The following RBSN variants were observed in gnomAD, a reference collection of about 807,000 sequenced individuals.
The protein encoded by RBSN is rabenosyn, RAB effector.
In RBSN, 34 loss-of-function variants were observed where a neutral mutation model predicts 60.5. The observed-to-expected ratio is 0.56, with a 90% CI of 0.43 to 0.75. RBSN has a LOEUF of 0.75. Ranked by LOEUF, RBSN falls within the 30% of genes least tolerant of loss-of-function variation. RBSN has a pLI of 0.00. For missense variants in RBSN, 845 were observed against 986.8 expected (o/e 0.86, Z 1.92); for synonymous variants, 322 against 366.9 (o/e 0.88, Z 1.40).
chr3:15,080,448 G>A (rs1433412519), intron 10 of RBSN, among the ~76,000 whole-genome samples: 1 of 152,122 alleles, frequency 6.6e-6, no homozygotes, highest in African/African-American at 2.4e-5. Context: ...AGTACCTATT[G>A]TCTGAGGCCC....
intron 10 of RBSN, among the ~76,000 whole-genome samples, chr3:15,079,861 T>G (rs1301462664): frequency 1.3e-5 from 2 of 151,512 alleles, no homozygotes; most frequent in African/African-American, 4.8e-5. Flanking sequence ...TAATGTTCGC[T>G]AATTTTGTGA....
At position 15,080,755 on chromosome 3, in the gene RBSN, G is replaced by A; in HGVS notation, c.888C>T (p.Tyr296=). Residue 296 remains tyrosine, a synonymous_variant, in exon 10 of 14, where the codon TAC becomes TAT. Coordinates refer to ENST00000253699, the MANE Select transcript of RBSN (RefSeq NM_022340.4). ...MEKVDQKAPE[Y]IRMAASLNAG... ...ACTTTAATGATGCTGCCATCCTGAT[G>A]TATTCTGGAGCTTTCTGGTCAACTT... 1 of 1,614,108 alleles carries A rather than the reference G, an allele frequency of 6.2e-7. No individual in the cohort carries two copies. Among genetic ancestry groups the A allele is most frequent in the South Asian group, 1.1e-5 (1 of 91,080 alleles).
chr3:15,074,253 A>C lies in RBSN; in HGVS notation c.1884T>G (p.Phe628Leu). ...TGGGGCTGGAGAGGTCTTCCTCATC[A>C]AAGGGGTTTAAGGAGGGCCCCTCAT... ...QQHEGPSLNP[F>L]DEEDLSSPME... Residue 628 changes from phenylalanine (F) to leucine (L), a missense_variant, in exon 14 of 14, where the codon TTT becomes TTG. Transcript: ENST00000253699. This position sits in a 1 kb window ranked among gnomAD's most constrained non-coding sequence, Gnocchi z 6.4. The C allele has an allele frequency of 6.2e-7, 1 of 1,611,166 alleles. No homozygotes were observed.
rs767023144 is a variant in RBSN at position 15,080,719 on chromosome 3, A to G, written c.911+13T>C. 3 of 1,606,740 alleles carry G rather than the reference A, an allele frequency of 1.9e-6. No homozygotes were observed. Among genetic ancestry groups the G allele is most frequent in the Non-Finnish European group, 2.6e-6 (3 of 1,174,946 alleles). On this transcript the variant is annotated intron_variant, in intron 10 of 13. Transcript: ENST00000253699. The stretch of plus-strand genomic sequence containing the variant: ...TCACCACTGGATTAGAAAAACATAG[A>G]TGAATAGCTTACTTTAATGATGCTG...
chr3:15,077,555 G>A lies in RBSN; in HGVS notation c.999-391C>T, dbSNP rs731195. On this transcript the variant is annotated intron_variant, in intron 11 of 13. Transcript: ENST00000253699. This position sits in a 1 kb window ranked among gnomAD's most constrained non-coding sequence, Gnocchi z 4.4. ...ATTTTGTACCAGGCCCTGCAACTAC[G>A]AACTCCTGCTGTATGTCTGGATGGA... Among the ~76,000 whole-genome samples, 1,000 of 152,210 alleles carry A rather than the reference G, an allele frequency of 6.6e-3. 52 individuals are homozygous for A. The highest frequency in any genetic ancestry group is 0.054 in the Admixed American group (829 of 15,290).
intron 10 of RBSN, among the ~76,000 whole-genome samples, chr3:15,079,714 C>G (rs890726396): frequency 6.6e-5 from 10 of 152,134 alleles, no homozygotes; most frequent in African/African-American, 2.4e-4. Flanking sequence ...ATTTATATGA[C>G]ATGTCAAAAG....
At chr3:15,089,756 G>A (rs542522802) in intron 5 of RBSN, among the ~76,000 whole-genome samples, 114 of 151,936 alleles carry the variant, frequency 7.5e-4, no homozygotes, top group African/African-American at 2.2e-3. Flanking sequence ...GACTACAGGC[G>A]CCCGCCACCA....
intron 4 of RBSN, among the ~76,000 whole-genome samples, chr3:15,094,530 T>G (rs1371511905): frequency 6.6e-6 from 1 of 152,232 alleles, no homozygotes; most frequent in Non-Finnish European, 1.5e-5. Flanking sequence ...CCAATCACCT[T>G]CTTGCAGAGT....
At chr3:15,096,907 C>T (rs1356784001) in intron 2 of RBSN, among the ~76,000 whole-genome samples, 197 bp from the exon 3 acceptor site, 1 of 152,190 alleles carries the variant, frequency 6.6e-6, no homozygotes, top group African/African-American at 2.4e-5. Flanking sequence ...GCATCTTGCT[C>T]TGTCACCCAG....
At chr3:15,089,760 G>A (rs1191580062) in intron 5 of RBSN, among the ~76,000 whole-genome samples, 2 of 151,846 alleles carry the variant, frequency 1.3e-5, no homozygotes, top group African/African-American at 2.4e-5. Context: ...ACAGGCGCCC[G>A]CCACCACGCC....
chr3:15,091,307 C>T, intron 4 of RBSN: 1 of 1,029,592 alleles, frequency 9.7e-7, no homozygotes, highest in Non-Finnish European at 1.2e-6. Flanking sequence ...TCATTTACCC[C>T]AGAAACTCAT....
rs916092404 is a variant in RBSN at position 15,077,389 on chromosome 3, C to A, written c.999-225G>T. Among the ~76,000 whole-genome samples the A allele has an allele frequency of 1.1e-4, 17 of 152,208 alleles. No homozygotes were observed. The highest frequency in any genetic ancestry group is 4.1e-4 in the African/African-American group (17 of 41,444). On this transcript the variant is annotated intron_variant, in intron 11 of 13. Coordinates refer to ENST00000253699, the MANE Select transcript of RBSN (RefSeq NM_022340.4). This position sits in a 1 kb window ranked among gnomAD's most constrained non-coding sequence, Gnocchi z 4.4. Reference sequence around the variant, plus strand: ...AACACTGTTATGGAGTGACTGACTACACATGCAGAGCCAGCTTCACAGGTG... The same window carrying A: ...AACACTGTTATGGAGTGACTGACTAAACATGCAGAGCCAGCTTCACAGGTG...
intron 4 of RBSN, among the ~76,000 whole-genome samples, chr3:15,095,109 G>A (rs2043619074): frequency 6.6e-6 from 1 of 151,954 alleles, no homozygotes; most frequent in African/African-American, 2.4e-5. Context: ...GACCTCCCTG[G>A]GCTCAAGTGA....
At chr3:15,078,775 A>AAAAT (rs2043119600) in intron 10 of RBSN, among the ~76,000 whole-genome samples, 1 of 65,858 alleles carries the variant, frequency 1.5e-5, no homozygotes, top group African/African-American at 6.7e-5. Context: ...AAAAAAAAAA[A>AAAAT]ATACATATAT....
At chr3:15,075,445 C>A in intron 13 of RBSN, 161 bp downstream of exon 13, 1 of 722,784 alleles carries the variant, frequency 1.4e-6, no homozygotes, top group Non-Finnish European at 2.5e-6. Flanking sequence ...TATTCTAGTT[C>A]CCATAGATGA....
At chr3:15,088,382 A>AT (rs1464799203) in intron 5 of RBSN, among the ~76,000 whole-genome samples, 63 of 143,888 alleles carry the variant, frequency 4.4e-4, no homozygotes, top group Non-Finnish European at 7.3e-4. Context: ...TAGTATTATT[A>AT]TTATTTTTTT....
Position 15,078,072 on chromosome 3 carries a change from T to C in RBSN, c.998+3A>G, listed in dbSNP as rs2043098073. ...GGGCAGGATACCACTTAATGGACCT[T>C]ACCTTAAAGCGTCTATCAGCTCATA... On this transcript the variant is annotated splice_donor_region_variant and intron_variant, in intron 11 of 13. Coordinates refer to ENST00000253699, the MANE Select transcript of RBSN (RefSeq NM_022340.4). 2 of 1,613,804 alleles carry C rather than the reference T, an allele frequency of 1.2e-6. No individual in the cohort carries two copies. The highest frequency in any genetic ancestry group is 1.7e-6 in the Non-Finnish European group (2 of 1,179,712).
In RBSN at chr3:15,088,167, A is replaced by C. The variant is rs79744293; in HGVS notation, c.290-2206T>G. ...CACAAACAAGCTATCATAAATAAAT[A>C]TTAACTTCTAAAATTTGCCATTCAC... On this transcript the variant is annotated intron_variant, in intron 5 of 13. Transcript: ENST00000253699. Among the ~76,000 whole-genome samples the C allele has an allele frequency of 8.3e-4, 126 of 152,202 alleles. 1 individual carries two copies. Among genetic ancestry groups the C allele is most frequent in the African/African-American group, 2.8e-3 (115 of 41,528 alleles).
At chr3:15,098,723 T>C (rs2043741884) in intron 1 of RBSN, among the ~76,000 whole-genome samples, 1 of 151,694 alleles carries the variant, frequency 6.6e-6, no homozygotes, top group Non-Finnish European at 1.5e-5. Context: ...TCCGAACATC[T>C]CCACACGAAC....
Sources: gnomAD v4.1 joint callset for allele counts (sites outside exome capture counted in the v4.1 genomes callset) on GRCh38, gnomAD v4.1.1 for gene constraint, Gnocchi (gnomAD v3.1) non-coding constraint, MANE v1.5 for transcripts, NCBI Gene and HGNC (gene_info 2026-07-23, HGNC 2026-07-21) for gene names.